Variants in NFIB observed in about 807,000 individuals in gnomAD.
NFIB encodes the protein nuclear factor I B.
A neutral mutation model predicts 61.5 loss-of-function variants in NFIB; 11 were observed. The ratio of observed to expected loss-of-function variants is 0.18; its 90% confidence interval spans 0.11 to 0.30. The LOEUF is 0.30. Among genes scored for constraint, NFIB ranks in the 10% least tolerant of loss-of-function variants. NFIB has a pLI of 1.00. For synonymous variants in NFIB, 260 were observed against 216.5 expected, an observed-to-expected ratio of 1.20 and a Z score of -1.76; for missense variants, 471 against 608.9, an observed-to-expected ratio of 0.77 and a Z score of 2.38.
At chr9:14,529,407 C>T in the NFIB span, among the ~76,000 whole-genome samples, 2 of 152,062 alleles carry the variant, frequency 1.3e-5, no homozygotes, top group South Asian at 4.1e-4. Flanking sequence ...TCCTTTCTTA[C>T]ACAAAGAGCC....
the NFIB span, among the ~76,000 whole-genome samples, chr9:14,463,626 G>T: frequency 6.7e-6 from 1 of 148,962 alleles, no homozygotes. Flanking sequence ...GATGCTATTC[G>T]GATCATTTAC....
chr9:14,464,123 T>A, the NFIB span, among the ~76,000 whole-genome samples: 112,966 of 151,352 alleles, frequency 0.75, 42,392 homozygotes, highest in East Asian at 0.88. Context: ...CCAAATCTGG[T>A]AGTAGACAGA....
chr9:14,355,259 T>C (rs1427284866), intron 1 of NFIB, among the ~76,000 whole-genome samples: 1 of 152,104 alleles, frequency 6.6e-6, no homozygotes, highest in Non-Finnish European at 1.5e-5. Context: ...GGAGTCCCTG[T>C]AAGAAGTGAT....
chr9:14,190,127 T>A (rs1485032907), intron 2 of NFIB, among the ~76,000 whole-genome samples: 2 of 152,218 alleles, frequency 1.3e-5, no homozygotes, highest in African/African-American at 4.8e-5. Context: ...AAAATGTTTA[T>A]GTTTATATCC....
At chr9:14,476,603 A>C in the NFIB span, among the ~76,000 whole-genome samples, 1 of 152,188 alleles carries the variant, frequency 6.6e-6, no homozygotes, top group African/African-American at 2.4e-5. Flanking sequence ...TTCTCCTTGT[A>C]AGATCATCAC....
At chr9:14,314,180 G>T (rs888836767), upstream of NFIB, 8 of 894,432 alleles carry the variant, frequency 8.9e-6, no homozygotes, top group Non-Finnish European at 1.1e-5. Flanking sequence ...GGGCCGGGGT[G>T]GGGGCGGGGT....
At chr9:14,337,931 A>G (rs1221083764) in intron 1 of NFIB, among the ~76,000 whole-genome samples, 1 of 152,136 alleles carries the variant, frequency 6.6e-6, no homozygotes, top group African/African-American at 2.4e-5. Context: ...TCAAGATGTA[A>G]TTGTAAATAA....
intron 1 of NFIB, among the ~76,000 whole-genome samples, chr9:14,319,189 TA>T (rs77773525): frequency 6.4e-3 from 884 of 137,442 alleles, no homozygotes; most frequent in Middle Eastern, 7.3e-3. Flanking sequence ...CTCCACTGTT[TA>T]AAAAAAAAAA....
chr9:14,475,484 A>C, the NFIB span, among the ~76,000 whole-genome samples: 13 of 152,192 alleles, frequency 8.5e-5, no homozygotes, highest in African/African-American at 3.1e-4. Flanking sequence ...GTGCCAAAGA[A>C]AGCATGAGAA....
At chr9:14,261,485 T>C (rs2056749867) in intron 2 of NFIB, among the ~76,000 whole-genome samples, 1 of 152,130 alleles carries the variant, frequency 6.6e-6, no homozygotes, top group Non-Finnish European at 1.5e-5. Context: ...AGGGAAAACA[T>C]CCCCTTTGCT....
chr9:14,480,486 A>T, the NFIB span, among the ~76,000 whole-genome samples: 1 of 150,782 alleles, frequency 6.6e-6, no homozygotes, highest in African/African-American at 2.4e-5. Context: ...ACTGAGAAGG[A>T]CAGTCCATTA....
chr9:14,107,532 T>C (rs80006307), intron 10 of NFIB, among the ~76,000 whole-genome samples: 5,616 of 152,206 alleles, frequency 0.037, 265 homozygotes, highest in African/African-American at 0.097. Context: ...GATTTTGTTT[T>C]TAAATTAGAG....
At chr9:14,394,316 A>G (rs1021221117) in intron 1 of NFIB, among the ~76,000 whole-genome samples, 13 of 152,216 alleles carry the variant, frequency 8.5e-5, no homozygotes, top group African/African-American at 3.1e-4. Context: ...AAACAAACAA[A>G]TCCCAATTAT....
At chr9:14,358,448 G>A (rs149982616) in intron 1 of NFIB, among the ~76,000 whole-genome samples, 7 of 152,280 alleles carry the variant, frequency 4.6e-5, no homozygotes, top group African/African-American at 1.7e-4. Flanking sequence ...CATAGGAGGA[G>A]AGAGTCTGAT....
chr9:14,297,837 T>A (rs2059532928), intron 2 of NFIB, among the ~76,000 whole-genome samples: 2 of 152,174 alleles, frequency 1.3e-5, no homozygotes, highest in African/African-American at 4.8e-5. Context: ...AAAGAAGAGT[T>A]TGGTAGGATA....
Position 14,313,469 on chromosome 9 carries a change from C to T in NFIB, c.30+13G>A. Reference sequence around the variant, plus strand: ...CCAGAGAGAAAGCTCGAGAAAGCGACCGAGACATGTACCTGAGTGAGACAG... The same window carrying T: ...CCAGAGAGAAAGCTCGAGAAAGCGATCGAGACATGTACCTGAGTGAGACAG... On this transcript the variant is annotated intron_variant, in intron 1 of 10. Transcript: ENST00000380953. This position sits in a 1 kb window ranked among gnomAD's most constrained non-coding sequence, Gnocchi z 4.5. 3 of 1,613,806 alleles carry T rather than the reference C, an allele frequency of 1.9e-6. No homozygotes were observed. Among genetic ancestry groups the T allele is most frequent in the Non-Finnish European group, 2.5e-6 (3 of 1,179,858 alleles).
At chr9:14,093,160 A>G (rs1157378820) in intron 10 of NFIB, among the ~76,000 whole-genome samples, 1 of 152,026 alleles carries the variant, frequency 6.6e-6, no homozygotes, top group Non-Finnish European at 1.5e-5. Flanking sequence ...CCTATTATTT[A>G]TTTGGAGGTG....
chr9:14,169,082 G>C (rs1321474375), intron 3 of NFIB, among the ~76,000 whole-genome samples: 4 of 152,060 alleles, frequency 2.6e-5, no homozygotes, highest in African/African-American at 9.7e-5. Context: ...CTTCAATTCA[G>C]AAAATGACAG....
chr9:14,330,985 T>A (rs573690560), intron 1 of NFIB, among the ~76,000 whole-genome samples: 2 of 152,278 alleles, frequency 1.3e-5, no homozygotes, highest in East Asian at 3.9e-4. Context: ...GCAAGCTTTT[T>A]CGGGGGCATT....
Sources: gnomAD v4.1 joint callset for allele counts (sites outside exome capture counted in the v4.1 genomes callset) on GRCh38, gnomAD v4.1.1 for gene constraint, Gnocchi (gnomAD v3.1) non-coding constraint, MANE v1.5 for transcripts, NCBI Gene and HGNC (gene_info 2026-07-23, HGNC 2026-07-21) for gene names.